The following FHOD3 variants were observed in gnomAD, a reference collection of about 807,000 sequenced individuals.
FHOD3 encodes formin homology 2 domain containing 3.
In FHOD3, 90 loss-of-function variants were observed where a neutral mutation model predicts 173.0. That is an observed-to-expected ratio of 0.52 (90% CI 0.44 to 0.62). The LOEUF (loss-of-function observed/expected upper bound fraction) is 0.62, where lower values mean the gene tolerates loss of function less well. Among genes scored for constraint, FHOD3 ranks in the 20% least tolerant of loss-of-function variants. The probability of loss-of-function intolerance (pLI) is 0.00; values close to 1 mark genes in which losing one functional copy is unlikely to be tolerated. For synonymous variants in FHOD3, 828 were observed against 823.0 expected (o/e 1.01, Z -0.10); for missense variants, 1,945 against 2,034.7 (o/e 0.96, Z 0.85).
chr18:36,770,871 G>T lies in FHOD3; in HGVS notation c.4786+1445G>T, dbSNP rs1456657524. 5.9e-5 allele frequency among the ~76,000 whole-genome samples: 9 copies of T among 152,264 alleles called. No homozygotes were observed. The East Asian group carries it at 1.7e-3, about 29-fold the overall frequency. ...CTGCCCCTTGGATTAGTGGCATTAGGTGTGGGCTCTCTCTTTATTGTATGC... is the reference window on the plus strand; with the variant it reads ...CTGCCCCTTGGATTAGTGGCATTAGTTGTGGGCTCTCTCTTTATTGTATGC... On this transcript the variant is annotated intron_variant, in intron 28 of 28. Coordinates refer to ENST00000590592, the MANE Select transcript of FHOD3 (RefSeq NM_001281740.3).
At chr18:36,702,840 G>T (rs766906328) in intron 17 of FHOD3, among the ~76,000 whole-genome samples, 1 of 151,218 alleles carries the variant, frequency 6.6e-6, no homozygotes, top group African/African-American at 2.4e-5. Context: ...GCACGTGTGC[G>T]TACACGCTTA....
At chr18:36,692,245 T>C (rs1221776237) in intron 16 of FHOD3, among the ~76,000 whole-genome samples, 1 of 152,208 alleles carries the variant, frequency 6.6e-6, no homozygotes, top group Non-Finnish European at 1.5e-5. Context: ...TCTGGGTAAA[T>C]GAGGAACACC....
intron 3 of FHOD3, among the ~76,000 whole-genome samples, chr18:36,375,014 C>T (rs573467309): frequency 1.3e-5 from 2 of 152,240 alleles, no homozygotes; most frequent in Non-Finnish European, 2.9e-5. Context: ...TTTAAAATTC[C>T]ATTTCCTACT....
intron 4 of FHOD3, among the ~76,000 whole-genome samples, chr18:36,506,197 A>G (rs2055289236): frequency 6.6e-6 from 1 of 152,230 alleles, no homozygotes; most frequent in East Asian, 1.9e-4. Context: ...CCTTAGATCA[A>G]TGAGGAATCA....
chr18:36,310,865 C>T (rs2092240286), intron 1 of FHOD3, among the ~76,000 whole-genome samples: 1 of 152,022 alleles, frequency 6.6e-6, no homozygotes, highest in Admixed American at 6.5e-5. Context: ...CAGGATCAGG[C>T]TCCAAGGCTC....
chr18:36,631,831 A>C (rs2034535747), intron 10 of FHOD3, among the ~76,000 whole-genome samples: 1 of 152,240 alleles, frequency 6.6e-6, no homozygotes, highest in Non-Finnish European at 1.5e-5. Flanking sequence ...CTTGGCAATT[A>C]GTAAGCCATT....
At chr18:36,730,604 AGAT>A (rs1453390781) in intron 19 of FHOD3, 39 bp from the exon 20 acceptor site, 1 of 1,595,636 alleles carries the variant, frequency 6.3e-7, no homozygotes, top group African/African-American at 1.3e-5. Flanking sequence ...AAAGGACCCA[AGAT>A]GATGCATTAA....
chr18:36,571,065 A>C (rs962588530), intron 5 of FHOD3, among the ~76,000 whole-genome samples: 2 of 152,138 alleles, frequency 1.3e-5, no homozygotes, highest in African/African-American at 4.8e-5. Context: ...GGAAGAAATA[A>C]AATTGTTCTT....
At position 36,748,382 on chromosome 18, in the gene FHOD3, AACACACAC is replaced by A. The variant is rs532609709; in HGVS notation, c.4232+1276_4232+1283del. On this transcript the variant is annotated intron_variant, in intron 24 of 28. Transcript: ENST00000590592. ...CGCACGCGCACACACACACACACAC[AACACACAC>A]ACACACACACACACACACACACACA... is the stretch of plus-strand genomic sequence containing the variant. Among the ~76,000 whole-genome samples, 588 of 143,552 alleles carry A rather than the reference AACACACAC, an allele frequency of 4.1e-3. 3 individuals are homozygous for A. Among genetic ancestry groups the A allele is most frequent in the African/African-American group, 0.011 (415 of 38,614 alleles). 94.2% of individuals were successfully genotyped at this position (143,552 alleles called of 152,430 possible).
intron 8 of FHOD3, among the ~76,000 whole-genome samples, chr18:36,608,570 G>A (rs1235428308): frequency 6.6e-6 from 1 of 152,142 alleles, no homozygotes; most frequent in Non-Finnish European, 1.5e-5. Flanking sequence ...GTTTTAACAT[G>A]TACATGGAGA....
intron 19 of FHOD3, among the ~76,000 whole-genome samples, chr18:36,721,108 T>C (rs1005897815): frequency 6.6e-6 from 1 of 152,180 alleles, no homozygotes; most frequent in African/African-American, 2.4e-5. Context: ...CTGAAGCAGG[T>C]AGTGACCTCT....
chr18:36,684,010 C>T (rs1051178401), intron 15 of FHOD3, among the ~76,000 whole-genome samples: 1 of 152,148 alleles, frequency 6.6e-6, no homozygotes, highest in African/African-American at 2.4e-5. Flanking sequence ...CACAAAGAGC[C>T]AGGATATCAA....
chr18:36,364,128 C>T (rs964959092), intron 2 of FHOD3, among the ~76,000 whole-genome samples: 3 of 152,080 alleles, frequency 2.0e-5, no homozygotes, highest in African/African-American at 7.2e-5. Flanking sequence ...TGCCCCACAC[C>T]CTTGTCATAT....
intron 25 of FHOD3, among the ~76,000 whole-genome samples, chr18:36,756,385 G>A (rs2042635604): frequency 6.6e-6 from 1 of 152,166 alleles, no homozygotes; most frequent in Non-Finnish European, 1.5e-5. Flanking sequence ...GTGCATTTGA[G>A]TAGCACATGG....
At chr18:36,596,321 A>ATTAATTTTTTTTTTTTT (rs542045571) in intron 7 of FHOD3, among the ~76,000 whole-genome samples, 1 of 57,482 alleles carries the variant, frequency 1.7e-5, no homozygotes, top group African/African-American at 7.7e-5. Context: ...TGCCCAGCTA[A>ATTAATTTTTTTTTTTTT]TTTTTTTTTT....
chr18:36,719,597 T>TA (rs1008948901), intron 19 of FHOD3, among the ~76,000 whole-genome samples: 8 of 152,238 alleles, frequency 5.3e-5, no homozygotes, highest in Admixed American at 3.3e-4. Context: ...AAGCACTTTG[T>TA]AAAGCATAAT....
At chr18:36,329,322 C>T (rs1215793170) in intron 1 of FHOD3, among the ~76,000 whole-genome samples, 1 of 152,124 alleles carries the variant, frequency 6.6e-6, no homozygotes, top group East Asian at 1.9e-4. Context: ...TACCCCCACC[C>T]CCAAATTCTG....
intron 3 of FHOD3, among the ~76,000 whole-genome samples, chr18:36,449,486 G>A (rs1377043514): frequency 6.6e-6 from 1 of 152,120 alleles, no homozygotes; most frequent in African/African-American, 2.4e-5. Flanking sequence ...GAGACAGAAA[G>A]CAGAATTGGA....
intron 3 of FHOD3, among the ~76,000 whole-genome samples, chr18:36,455,010 G>A (rs937021917): frequency 7.9e-5 from 12 of 152,078 alleles, no homozygotes; most frequent in African/African-American, 2.9e-4. Context: ...CTTCAAACCC[G>A]CTAATATGAG....
Sources: gnomAD v4.1 joint callset for allele counts (sites outside exome capture counted in the v4.1 genomes callset) on GRCh38, gnomAD v4.1.1 for gene constraint, MANE v1.5 for transcripts, NCBI Gene and HGNC (gene_info 2026-07-23, HGNC 2026-07-21) for gene names.